The following CACNA2D3 variants were observed in gnomAD, a reference collection of about 807,000 sequenced individuals.
CACNA2D3 encodes voltage-dependent calcium channel subunit alpha-2/delta-3.
CACNA2D3 carries 60 observed loss-of-function variants against 160.6 expected under a neutral mutation model. The observed-to-expected ratio is 0.37, with a 90% CI of 0.30 to 0.46. The LOEUF is 0.46. Among genes scored for constraint, CACNA2D3 ranks in the 20% least tolerant of loss-of-function variants. The probability of loss-of-function intolerance (pLI) is 1.00; values close to 1 mark genes in which losing one functional copy is unlikely to be tolerated. For missense variants in CACNA2D3, 1,205 were observed against 1,365.0 expected (o/e 0.88, Z 1.85); for synonymous variants, 558 against 492.9 (o/e 1.13, Z -1.75).
In CACNA2D3 at chr3:54,131,861, A is replaced by G. The variant is rs2034444; in HGVS notation, c.204+8267A>G. On this transcript the variant is annotated intron_variant, in intron 2 of 37. Transcript: ENST00000474759. Reference sequence around the variant, plus strand: ...TTTGCTGTTGCTGTAACATTGTGCTATAATTTGCGAAGCAAGGTGAAAGTT... The same window carrying G: ...TTTGCTGTTGCTGTAACATTGTGCTGTAATTTGCGAAGCAAGGTGAAAGTT... 5.1e-3 allele frequency among the ~76,000 whole-genome samples: 774 copies of G among 152,344 alleles called. 41 individuals carry two copies. In the East Asian group the frequency reaches 0.12, roughly 24 times the overall value.
chr3:54,381,738 C>T (rs1364814709), intron 3 of CACNA2D3, among the ~76,000 whole-genome samples: 3 of 152,194 alleles, frequency 2.0e-5, no homozygotes, highest in Admixed American at 1.3e-4. Context: ...AATATCCCCG[C>T]TATTCCCCTT....
At chr3:54,463,113 T>G (rs564249337) in intron 4 of CACNA2D3, among the ~76,000 whole-genome samples, 4 of 152,158 alleles carry the variant, frequency 2.6e-5, no homozygotes, top group African/African-American at 9.7e-5. Flanking sequence ...CCCCACTCTC[T>G]TCTGGCTTGT....
intron 26 of CACNA2D3, among the ~76,000 whole-genome samples, chr3:54,898,318 G>A (rs530815816): frequency 2.2e-4 from 33 of 150,856 alleles, no homozygotes; most frequent in Admixed American, 1.7e-3. Flanking sequence ...TGCCTTCTGG[G>A]TTCAAGCGAT....
rs552877317 is a variant in CACNA2D3, at chr3:54,649,696, A to G, written c.1167+7455A>G. The stretch of plus-strand genomic sequence containing the variant: ...TCTTATAAGGACACTAATCCCATTC[A>G]TGAGGGCTCCACCCTTATGACCTCA... On this transcript the variant is annotated intron_variant, in intron 11 of 37. Coordinates refer to ENST00000474759, the MANE Select transcript of CACNA2D3 (RefSeq NM_018398.3). Among the ~76,000 whole-genome samples, 38 of 152,292 alleles carry G rather than the reference A, an allele frequency of 2.5e-4. 1 individual carries two copies. The highest frequency in any genetic ancestry group is 6.8e-3 in the Middle Eastern group (2 of 294).
chr3:54,873,708 T>C (rs1699595140), intron 18 of CACNA2D3, among the ~76,000 whole-genome samples: 1 of 152,240 alleles, frequency 6.6e-6, no homozygotes, highest in South Asian at 2.1e-4. Context: ...GTGCTTTTGT[T>C]CTGCACAAAT....
intron 27 of CACNA2D3, among the ~76,000 whole-genome samples, chr3:54,908,163 A>G (rs931274094): frequency 2.6e-5 from 4 of 152,202 alleles, no homozygotes; most frequent in African/African-American, 9.7e-5. Context: ...ACCATTTTAC[A>G]ACACCACCAG....
intron 35 of CACNA2D3, among the ~76,000 whole-genome samples, chr3:55,036,745 C>T (rs1439567921): frequency 1.3e-5 from 2 of 152,090 alleles, no homozygotes; most frequent in East Asian, 1.9e-4. Flanking sequence ...GGATTACAGG[C>T]GTGAGCCACT....
intron 3 of CACNA2D3, among the ~76,000 whole-genome samples, chr3:54,377,407 C>G (rs1699030017): frequency 6.6e-6 from 1 of 152,174 alleles, no homozygotes; most frequent in Non-Finnish European, 1.5e-5. Context: ...GTTCCAAGTT[C>G]TCCCTATATG....
At chr3:54,777,759 A>T (rs1293297846) in intron 13 of CACNA2D3, among the ~76,000 whole-genome samples, 1 of 152,156 alleles carries the variant, frequency 6.6e-6, no homozygotes, top group Non-Finnish European at 1.5e-5. Flanking sequence ...TTTGAGGAAC[A>T]TGGGGTTCAA....
intron 4 of CACNA2D3, among the ~76,000 whole-genome samples, chr3:54,426,141 G>A (rs1299510809): frequency 6.6e-6 from 1 of 152,188 alleles, no homozygotes; most frequent in Non-Finnish European, 1.5e-5. Context: ...CAAGAGAAGA[G>A]GGGAGGGGCC....
chr3:54,278,334 AAAC>A (rs1702790866), intron 2 of CACNA2D3, among the ~76,000 whole-genome samples: 1 of 152,182 alleles, frequency 6.6e-6, no homozygotes, highest in Admixed American at 6.5e-5. Context: ...AAAAGTGAGG[AAAC>A]AACAGATGCT....
Position 55,073,457 on chromosome 3 carries a change from C to A in CACNA2D3, c.3000C>A (p.Ile1000=), listed in dbSNP as rs1704863776. 7 of 1,613,630 alleles carry A rather than the reference C, an allele frequency of 4.3e-6. No homozygotes were observed. The highest frequency in any genetic ancestry group is 5.1e-6 in the Non-Finnish European group (6 of 1,179,714). Residue 1000 remains isoleucine (I), a synonymous_variant, in exon 36 of 38, where the codon ATC becomes ATA. Transcript: ENST00000474759. Reference sequence around the variant, plus strand: ...CTTGTTCCAACAGGTCCTTTGTCATCCAGCAAATCCCAAGCAGCAACCTGT... The same window carrying A: ...CTTGTTCCAACAGGTCCTTTGTCATACAGCAAATCCCAAGCAGCAACCTGT... ...ACEDCSKSFV[I]QQIPSSNLFM... is the part of the protein sequence containing the mutation.
intron 29 of CACNA2D3, among the ~76,000 whole-genome samples, chr3:54,976,469 A>G (rs1702393810): frequency 3.3e-5 from 5 of 151,998 alleles, no homozygotes; most frequent in Admixed American, 6.6e-5. Flanking sequence ...GTACCCTAAA[A>G]CTTAAAGTAT....
At chr3:54,942,265 C>T (rs1035294819) in intron 27 of CACNA2D3, among the ~76,000 whole-genome samples, 1 of 152,140 alleles carries the variant, frequency 6.6e-6, no homozygotes, top group African/African-American at 2.4e-5. Context: ...GGCTAAGACT[C>T]ACCTTCTGAA....
intron 21 of CACNA2D3, among the ~76,000 whole-genome samples, chr3:54,881,525 G>T (rs1343131428): frequency 6.6e-6 from 1 of 152,172 alleles, no homozygotes; most frequent in African/African-American, 2.4e-5. Context: ...TGTCACATGT[G>T]CTATCCTTTT....
intron 4 of CACNA2D3, among the ~76,000 whole-genome samples, chr3:54,421,313 G>A (rs1208834275): frequency 6.6e-6 from 1 of 152,314 alleles, no homozygotes; most frequent in East Asian, 1.9e-4. Context: ...AAATGTTCTA[G>A]AATATTTTCC....
chr3:54,356,129 G>C (rs1193603608), intron 3 of CACNA2D3, among the ~76,000 whole-genome samples: 2 of 152,126 alleles, frequency 1.3e-5, no homozygotes, highest in Non-Finnish European at 2.9e-5. Flanking sequence ...GGGGACATTG[G>C]GAGCAGCTCC....
At chr3:54,161,647 G>A (rs28368333) in intron 2 of CACNA2D3, among the ~76,000 whole-genome samples, 24,605 of 152,244 alleles carry the variant, frequency 0.16, 2,041 homozygotes, top group South Asian at 0.23. Context: ...TTCCCAGCAT[G>A]TTCATTGTAT....
intron 17 of CACNA2D3, among the ~76,000 whole-genome samples, chr3:54,864,580 C>G (rs1026022205): frequency 2.0e-5 from 3 of 152,210 alleles, no homozygotes; most frequent in Non-Finnish European, 4.4e-5. Flanking sequence ...TGTTCTTAAT[C>G]TGACACTGCT....
Sources: gnomAD v4.1 joint callset for allele counts (sites outside exome capture counted in the v4.1 genomes callset) on GRCh38, gnomAD v4.1.1 for gene constraint, MANE v1.5 for transcripts, NCBI Gene and HGNC (gene_info 2026-07-23, HGNC 2026-07-21) for gene names.